The following MAPK9 variants were observed in gnomAD, a reference collection of about 807,000 sequenced individuals.
MAPK9 encodes the protein Jun kinase.
A neutral mutation model predicts 57.1 loss-of-function variants in MAPK9; 30 were observed. The ratio of observed to expected loss-of-function variants is 0.53; its 90% CI spans 0.39 to 0.71. The LOEUF is 0.71. MAPK9 is among the 30% of genes least tolerant of loss of function. The pLI is 0.00. For synonymous variants in MAPK9, 155 were observed against 177.0 expected (o/e 0.88, Z 0.99); for missense variants, 362 against 521.0 (o/e 0.69, Z 2.97).
intron 3 of MAPK9, among the ~76,000 whole-genome samples, chr5:180,268,602 C>A (rs1354994339): frequency 6.7e-6 from 1 of 149,588 alleles, no homozygotes; most frequent in Admixed American, 6.6e-5. Flanking sequence ...CTGAGGCTGG[C>A]GGACCATGAG....
chr5:180,255,363 G>A (rs1334824585), intron 5 of MAPK9, among the ~76,000 whole-genome samples: 3 of 152,106 alleles, frequency 2.0e-5, no homozygotes, highest in Admixed American at 6.5e-5. Context: ...AAATCACCAA[G>A]GGAGATCCAG....
At chr5:180,291,706 C>CA (rs1763262602) in intron 1 of MAPK9, 142 bp downstream of exon 1, 1 of 150,920 alleles carries the variant, frequency 6.6e-6, no homozygotes. Flanking sequence ...TCCCCCAGCA[C>CA]AGGGGCGACG....
chr5:180,283,164 T>C (rs1561849462), intron 1 of MAPK9, among the ~76,000 whole-genome samples: 1 of 152,178 alleles, frequency 6.6e-6, no homozygotes, highest in African/African-American at 2.4e-5. Flanking sequence ...TTCCCCTTCC[T>C]GCTAGATAAA....
intron 1 of MAPK9, among the ~76,000 whole-genome samples, chr5:180,289,928 T>C (rs531121805): frequency 2.2e-4 from 34 of 152,354 alleles, no homozygotes; most frequent in African/African-American, 7.9e-4. Flanking sequence ...TGATCATAGC[T>C]CACTGCAGGC....
intron 3 of MAPK9, among the ~76,000 whole-genome samples, 192 bp downstream of exon 3, chr5:180,269,088 G>C (rs190606133): frequency 6.6e-6 from 1 of 150,506 alleles, no homozygotes; most frequent in East Asian, 2.0e-4. Context: ...GCAGAGAGCC[G>C]AGACTGCGCC....
At chr5:180,241,380 T>C (rs1437173925) in intron 8 of MAPK9, among the ~76,000 whole-genome samples, 1 of 151,938 alleles carries the variant, frequency 6.6e-6, no homozygotes, top group East Asian at 1.9e-4. Context: ...TCACTGCAAG[T>C]TCCACCTCCC....
chr5:180,238,488 G>A, intron 10 of MAPK9, 85 bp from the exon 11 acceptor site: 1 of 962,860 alleles, frequency 1.0e-6, no homozygotes, highest in South Asian at 1.4e-5. Flanking sequence ...AAATCAACTG[G>A]AACAAAGGCA....
In MAPK9 at chr5:180,280,177, GA is replaced by G. The variant is rs1231864714; in HGVS notation, c.122+262del. 2,436 of 399,050 alleles carry G rather than the reference GA, an allele frequency of 6.1e-3. 23 individuals carry two copies. Among genetic ancestry groups the G allele is most frequent in the African/African-American group, 0.036 (1,715 of 47,228 alleles). 24.7% of individuals were successfully genotyped at this position (399,050 alleles called of 1,614,324 possible). ...CTGATATCATAATGACAGGAGAAAT[GA>G]AAAAAAAAATGAAAGGAAAAAGAAA... On this transcript the variant is annotated intron_variant, in intron 2 of 11. Transcript: ENST00000452135.
At chr5:180,281,191 G>A (rs1762286571) in intron 1 of MAPK9, among the ~76,000 whole-genome samples, 1 of 152,224 alleles carries the variant, frequency 6.6e-6, no homozygotes, top group African/African-American at 2.4e-5. Flanking sequence ...TCAGGAGGTG[G>A]GTCCCAGAGC....
intron 1 of MAPK9, among the ~76,000 whole-genome samples, chr5:180,283,328 A>G (rs1762472510): frequency 6.6e-6 from 1 of 152,140 alleles, no homozygotes; most frequent in South Asian, 2.1e-4. Flanking sequence ...TTGCCCTCCA[A>G]TCTTTCTTCC....
intron 5 of MAPK9, among the ~76,000 whole-genome samples, chr5:180,259,374 G>C (rs534235656): frequency 1.5e-4 from 23 of 152,056 alleles, no homozygotes; most frequent in African/African-American, 5.5e-4. Flanking sequence ...GAAACCCTTT[G>C]ACCGTAAGGG....
intron 9 of MAPK9, among the ~76,000 whole-genome samples, chr5:180,240,656 G>C (rs1444433993): frequency 6.6e-6 from 1 of 152,224 alleles, no homozygotes; most frequent in African/African-American, 2.4e-5. Flanking sequence ...AATGCCTTTA[G>C]GGAAGGATAA....
chr5:180,276,772 T>G (rs1761861382), intron 2 of MAPK9, among the ~76,000 whole-genome samples: 1 of 152,186 alleles, frequency 6.6e-6, no homozygotes, highest in Non-Finnish European at 1.5e-5. Flanking sequence ...GAGAATCACT[T>G]GAACCCGCGA....
chr5:180,267,568 A>G (rs1051671775), intron 3 of MAPK9, among the ~76,000 whole-genome samples: 7 of 151,082 alleles, frequency 4.6e-5, no homozygotes, highest in Non-Finnish European at 1.0e-4. Flanking sequence ...TCTCAAAAAA[A>G]AAAAAAAAAA....
At chr5:180,276,746 C>T (rs188821421) in intron 2 of MAPK9, among the ~76,000 whole-genome samples, 4 of 152,184 alleles carry the variant, frequency 2.6e-5, no homozygotes, top group Admixed American at 1.3e-4. Context: ...CCCAGCTACT[C>T]GGGAGGCTGA....
At chr5:180,277,325 G>C (rs968141784) in intron 2 of MAPK9, among the ~76,000 whole-genome samples, 2 of 152,140 alleles carry the variant, frequency 1.3e-5, no homozygotes, top group Non-Finnish European at 2.9e-5. Context: ...TGCAGGCTCT[G>C]GGGGGAGTCT....
At chr5:180,290,843 G>A (rs1763164720) in intron 1 of MAPK9, among the ~76,000 whole-genome samples, 1 of 152,202 alleles carries the variant, frequency 6.6e-6, no homozygotes. Flanking sequence ...TGCTTTCTAA[G>A]CACTGGGGAT....
At position 180,235,261 on chromosome 5, in the gene MAPK9, A is replaced by G. The variant is rs1757094602; in HGVS notation, c.*1123T>C. On this transcript the variant is annotated 3_prime_UTR_variant, in exon 12 of 12. Coordinates refer to ENST00000452135, the MANE Select transcript of MAPK9 (RefSeq NM_002752.5). ...AACAATGGAGAGCAACAATAGCAAC[A>G]GGCATCTGAATCAGCCTGGCCTCTG... 6.6e-6 allele frequency: 1 copy of G among 152,272 alleles called. No homozygotes were observed. Among genetic ancestry groups the G allele is most frequent in the Admixed American group, 6.5e-5 (1 of 15,288 alleles). 9.4% of individuals were successfully genotyped at this position (152,272 alleles called of 1,614,324 possible).
At chr5:180,245,793 C>T (rs1279659478) in intron 7 of MAPK9, among the ~76,000 whole-genome samples, 1 of 152,170 alleles carries the variant, frequency 6.6e-6, no homozygotes, top group East Asian at 1.9e-4. Context: ...TTCTCATAGA[C>T]CACCGCAGGG....
Sources: gnomAD v4.1 joint callset for allele counts (sites outside exome capture counted in the v4.1 genomes callset) on GRCh38, gnomAD v4.1.1 for gene constraint, MANE v1.5 for transcripts, NCBI Gene and HGNC (gene_info 2026-07-23, HGNC 2026-07-21) for gene names.